The following RNF213 variants were observed in gnomAD, a reference collection of about 807,000 sequenced individuals.
The protein encoded by RNF213 is ring finger protein 213, also known as E3 ubiquitin-protein ligase RNF213.
A neutral mutation model predicts 514.4 loss-of-function variants in RNF213; 341 were observed. The observed-to-expected ratio is 0.66, with a 90% CI of 0.61 to 0.73. The LOEUF is 0.73. RNF213 is among the 30% of genes least tolerant of loss of function. RNF213 has a pLI of 0.00. For synonymous variants in RNF213, 2,655 were observed against 2,658.2 expected (o/e 1.00, Z 0.04); for missense variants, 5,767 against 6,615.6 (o/e 0.87, Z 4.45).
In RNF213 at chr17:80,357,066, C is replaced by T. The variant is rs181708190; in HGVS notation, c.10863-1222C>T. On this transcript the variant is annotated intron_variant, in intron 36 of 67. Transcript: ENST00000582970. ...CCTGAGTAGCTGGGATTACAGGTGC[C>T]TGCCACCACGACTGTAATTTTTGTA... Among the ~76,000 whole-genome samples, 24 of 152,052 alleles carry T rather than the reference C, an allele frequency of 1.6e-4. No individual in the cohort carries two copies. The East Asian group carries it at 4.6e-3, about 29-fold the overall frequency.
chr17:80,295,873 C>CAAA, intron 10 of RNF213, 60 bp downstream of exon 10: 1 of 1,583,190 alleles, frequency 6.3e-7, no homozygotes, highest in Non-Finnish European at 8.7e-7. Flanking sequence ...TCTCTGATTG[C>CAAA]AAAAATAAGT....
chr17:80,295,699 T>A lies in RNF213; in HGVS notation c.1898T>A (p.Ile633Asn). 3.7e-6 allele frequency: 6 copies of A among 1,614,004 alleles called. No homozygotes were observed. Among genetic ancestry groups the A allele is most frequent in the Non-Finnish European group, 5.1e-6 (6 of 1,179,998 alleles). Residue 633 changes from isoleucine to asparagine, a missense_variant, in exon 10 of 68, where the codon ATT becomes AAT. By Grantham distance (149) the Ile-to-Asn change is moderately radical. Transcript: ENST00000582970. ...ATTGTCCTTTTTGTAGTGGAAAAAATTGAGCTTTTATTAGAAGGCAGCCTG... is the reference window on the plus strand; with the variant it reads ...ATTGTCCTTTTTGTAGTGGAAAAAAATGAGCTTTTATTAGAAGGCAGCCTG... Reference protein sequence around the residue: ...GLIVLFVVEKIELLLEGSLDW... With the variant: ...GLIVLFVVEKNELLLEGSLDW...
At position 80,377,080 on chromosome 17, in the gene RNF213, C is replaced by G; in HGVS notation, c.13510+117C>G. ...GTGGTTTGTGCCTCAGGGTCCAAAA[C>G]CACCTGCATTCTACCGGTGGCGTCT... On this transcript the variant is annotated intron_variant, in intron 53 of 67. Transcript: ENST00000582970. This position sits in a 1 kb window ranked among gnomAD's most constrained non-coding sequence, Gnocchi z 4.1. 4 of 763,762 alleles carry G rather than the reference C, an allele frequency of 5.2e-6. No individual in the cohort carries two copies. The highest frequency in any genetic ancestry group is 6.9e-6 in the Non-Finnish European group (3 of 437,772). The allele number at this position is 763,762 out of a possible 1,614,324, so 47.3% of individuals were successfully genotyped here.
chr17:80,375,297 C>T (rs146710810), intron 50 of RNF213, among the ~76,000 whole-genome samples: 2 of 152,308 alleles, frequency 1.3e-5, no homozygotes, highest in African/African-American at 4.8e-5. Context: ...GGGGCATGAC[C>T]CCAGGTGTCC....
intron 20 of RNF213, among the ~76,000 whole-genome samples, chr17:80,331,387 TG>T (rs1162900015): frequency 7.7e-6 from 1 of 129,154 alleles, no homozygotes; most frequent in Admixed American, 8.1e-5. Flanking sequence ...TGTCAGTTTA[TG>T]ACTTTTTTTT....
chr17:80,354,298 G>A, intron 35 of RNF213, 132 bp downstream of exon 35: 1 of 1,486,006 alleles, frequency 6.7e-7, no homozygotes, highest in Non-Finnish European at 9.3e-7. Context: ...GACACAGTGG[G>A]AATCTAAGAG....
chr17:80,353,245 C>A lies in RNF213; in HGVS notation c.10423+186C>A. ...AGAGCACCAGGGCCGAGCAGGTGCG[C>A]TTACCACAGGCTGAGGTAGAGCTCT... On this transcript the variant is annotated intron_variant, in intron 33 of 67. Coordinates refer to ENST00000582970, the MANE Select transcript of RNF213 (RefSeq NM_001256071.3). This position sits in a 1 kb window ranked among gnomAD's most constrained non-coding sequence, Gnocchi z 5.0. 2.3e-6 allele frequency: 2 copies of A among 866,310 alleles called. No homozygotes were observed. Among genetic ancestry groups the A allele is most frequent in the Non-Finnish European group, 3.6e-6 (2 of 550,542 alleles). The allele number at this position is 866,310 out of a possible 1,614,324, so 53.7% of individuals were successfully genotyped here. A position where few individuals can be genotyped will look rare whatever the true frequency, so the allele number is the denominator to read the frequency against.
chr17:80,342,361 C>T (rs1030765165), intron 26 of RNF213, among the ~76,000 whole-genome samples: 17 of 152,062 alleles, frequency 1.1e-4, no homozygotes, highest in African/African-American at 4.1e-4. Flanking sequence ...CCTGCGGAGG[C>T]AGGAGGTGAC....
At chr17:80,387,088 G>C (rs562503946) in intron 63 of RNF213, among the ~76,000 whole-genome samples, 197 bp downstream of exon 63, 1 of 152,232 alleles carries the variant, frequency 6.6e-6, no homozygotes, top group Admixed American at 6.5e-5. Flanking sequence ...GCCCTCTCCT[G>C]CAGGGCCATC....
In RNF213 at chr17:80,339,435, T is replaced by A; in HGVS notation, c.5068T>A (p.Phe1690Ile). The A allele has an allele frequency of 1.3e-6, 2 of 1,537,206 alleles. No individual in the cohort carries two copies. The highest frequency in any genetic ancestry group is 8.7e-7 in the Non-Finnish European group (1 of 1,146,890). ...MEHFLDSWKR[F>I]VTQKRMEHFY... The stretch of plus-strand genomic sequence containing the variant: ...GCACTTCCTTGACAGCTGGAAGAGA[T>A]TTGTGACCCAGAAGCGAATGGAGCA... The change falls in exon 26 of 68, where the codon TTT becomes ATT. Residue 1690 changes from phenylalanine (F) to isoleucine (I), a missense_variant. This residue lies in a region of RNF213 where 1,377 missense variants were observed against 1,635.2 expected (regional missense o/e 0.84). Transcript: ENST00000582970.
In RNF213 at chr17:80,346,544, C is replaced by T; in HGVS notation, c.8209C>T (p.Pro2737Ser). 1 of 1,613,392 alleles carries T rather than the reference C, an allele frequency of 6.2e-7. No homozygotes were observed. Among genetic ancestry groups the T allele is most frequent in the Non-Finnish European group, 8.5e-7 (1 of 1,180,036 alleles). ...ACAGGATCTTTTTCTGGACGGCGTA[C>T]CTCTGAGGAAAACCATCGCCAAGAA... Reference protein sequence around the residue: ...RAQDLFLDGVPLRKTIAKNLA... With the variant: ...RAQDLFLDGVSLRKTIAKNLA... The change falls in exon 29 of 68, where the codon CCT (proline) becomes TCT (serine). Residue 2737 changes from proline to serine, a missense_variant. Physicochemically the swap from Pro to Ser is moderately conservative, Grantham distance 74. Coordinates refer to ENST00000582970, the MANE Select transcript of RNF213 (RefSeq NM_001256071.3). This position sits in a 1 kb window ranked among gnomAD's most constrained non-coding sequence, Gnocchi z 8.1.
At chr17:80,269,381 A>G (rs1348440923) in intron 2 of RNF213, among the ~76,000 whole-genome samples, 1 of 151,252 alleles carries the variant, frequency 6.6e-6, no homozygotes, top group African/African-American at 2.4e-5. Context: ...CTATCTATCT[A>G]TCCACCTATC....
intron 54 of RNF213, among the ~76,000 whole-genome samples, chr17:80,378,890 C>G (rs890552727): frequency 6.6e-6 from 1 of 152,132 alleles, no homozygotes; most frequent in Admixed American, 6.5e-5. Context: ...TAAAAAAGTC[C>G]AAGCCAGGTG....
At position 80,376,898 on chromosome 17, in the gene RNF213, C is replaced by A; in HGVS notation, c.13445C>A (p.Thr4482Asn). 1 of 1,614,072 alleles carries A rather than the reference C, an allele frequency of 6.2e-7. No individual in the cohort carries two copies. Among genetic ancestry groups the A allele is most frequent in the South Asian group, 1.1e-5 (1 of 91,066 alleles). Reference protein sequence around the residue: ...PATMAHAFLPTMPEDLLAQAR... With the variant: ...PATMAHAFLPNMPEDLLAQAR... The stretch of plus-strand genomic sequence containing the variant: ...GTTTTTCAGCATGCTTTTCTTCCAA[C>A]CATGCCTGAAGACTTGCTGGCTCAA... The change falls in exon 53 of 68, where the codon ACC becomes AAC. Residue 4482 changes from threonine to asparagine, a missense_variant. Transcript: ENST00000582970.
At chr17:80,307,808 C>T (rs1381590597) in intron 13 of RNF213, among the ~76,000 whole-genome samples, 2 of 151,042 alleles carry the variant, frequency 1.3e-5, no homozygotes, top group Non-Finnish European at 2.9e-5. Context: ...TCTGGGCCTC[C>T]CAAAGTGCTG....
rs567116284 is a variant in RNF213, at chr17:80,283,331, C to G, written c.262-4484C>G. Among the ~76,000 whole-genome samples, 12 of 152,166 alleles carry G rather than the reference C, an allele frequency of 7.9e-5. No individual in the cohort carries two copies. The East Asian group carries it at 1.4e-3, about 17-fold the overall frequency. ...GGGGCTGCTGCTCCGAGGTGTCAGC[C>G]CTGCAGGTGTGATGATGTCAGATGG... is the stretch of plus-strand genomic sequence containing the variant. On this transcript the variant is annotated intron_variant, in intron 3 of 67. Transcript: ENST00000582970.
At position 80,270,928 on chromosome 17, in the gene RNF213, G is replaced by GCAC. The variant is rs568833166; in HGVS notation, c.98-2308_98-2306dup. ...GAGGAGAACAGACAGTGGTTTCCCA[G>GCAC]CACCACCTCATGGTCTTTCCAGGAT... On this transcript the variant is annotated intron_variant, in intron 2 of 67. Coordinates refer to ENST00000582970, the MANE Select transcript of RNF213 (RefSeq NM_001256071.3). Among the ~76,000 whole-genome samples the GCAC allele has an allele frequency of 1.7e-3, 255 of 152,292 alleles. 2 individuals are homozygous for GCAC. Among genetic ancestry groups the GCAC allele is most frequent in the Non-Finnish European group, 2.2e-3 (151 of 68,016 alleles).
rs1166280156 is a variant in RNF213, at chr17:80,354,004, C to T, written c.10579-15C>T. On this transcript the variant is annotated splice_polypyrimidine_tract_variant and intron_variant, in intron 34 of 67. Coordinates refer to ENST00000582970, the MANE Select transcript of RNF213 (RefSeq NM_001256071.3). ...CAGTGGCAGAAACGGATGACCCAAC[C>T]GTCTCCACCAACAGGTGTCGATCCT... The T allele has an allele frequency of 8.7e-6, 14 of 1,613,458 alleles. No homozygotes were observed. The highest frequency in any genetic ancestry group is 2.2e-5 in the East Asian group (1 of 44,888).
rs763915652 is a variant in RNF213 at position 80,390,108 on chromosome 17, G to A, written c.15382G>A (p.Ala5128Thr). ...STFLNQTGLD[A>T]FLLELHEMII... is the part of the protein sequence containing the mutation. ...ATTCCTAAATCAGACTGGCCTAGAC[G>A]CCTTCCTGCTAGAGCTGCACGAAAT... is the stretch of plus-strand genomic sequence containing the variant. The change falls in exon 67 of 68, where the codon GCC becomes ACC. Residue 5128 changes from alanine to threonine, a missense_variant. Physicochemically the swap from Ala to Thr is moderately conservative, Grantham distance 58. Around this residue, in one of 13 missense-constraint regions of RNF213, gnomAD observed 1,245 missense variants for 1,339.0 expected, o/e 0.93. Coordinates refer to ENST00000582970, the MANE Select transcript of RNF213 (RefSeq NM_001256071.3). 12 of 1,614,188 alleles carry A rather than the reference G, an allele frequency of 7.4e-6. No homozygotes were observed. In the Middle Eastern group the frequency reaches 4.9e-4, roughly 67 times the overall value.
Sources: allele counts gnomAD v4.1 joint callset (sites outside exome capture counted in the v4.1 genomes callset), GRCh38; gene constraint gnomAD v4.1.1; regional missense constraint gnomAD v4.1.1; non-coding constraint Gnocchi (gnomAD v3.1); transcripts MANE v1.5; gene names NCBI Gene and HGNC (gene_info 2026-07-23, HGNC 2026-07-21).